The following MPP7 variants were observed in gnomAD, a reference collection of about 807,000 sequenced individuals.
The protein encoded by MPP7 is MAGUK p55 subfamily member 7.
Under a neutral mutation model 76.5 loss-of-function variants are expected in MPP7, and 60 were observed. The observed-to-expected ratio is 0.78, with a 90% confidence interval of 0.64 to 0.97. The LOEUF (loss-of-function observed/expected upper bound fraction) is 0.97. MPP7 is among the 50% of genes least tolerant of loss of function. MPP7 has a pLI of 0.00. For synonymous variants in MPP7, 237 were observed against 244.5 expected, an observed-to-expected ratio of 0.97 and a Z score of 0.29; for missense variants, 641 against 694.0, an observed-to-expected ratio of 0.92 and a Z score of 0.86.
At chr10:28,254,502 C>T (rs1698501801) in intron 1 of MPP7, among the ~76,000 whole-genome samples, 4 of 152,164 alleles carry the variant, frequency 2.6e-5, no homozygotes, top group Admixed American at 2.0e-4. Context: ...GAGTTCACAG[C>T]TTGATCTTAT....
chr10:28,327,327 G>C (rs535032039), intron 2 of MPP7, among the ~76,000 whole-genome samples: 10 of 149,870 alleles, frequency 6.7e-5, no homozygotes, highest in Non-Finnish European at 1.5e-4. Context: ...TACCTAGCTC[G>C]TTTCAAATTC....
intron 2 of MPP7, among the ~76,000 whole-genome samples, chr10:28,234,499 G>A (rs926584789): frequency 6.6e-6 from 1 of 152,068 alleles, no homozygotes. Context: ...GTATGGAAAG[G>A]ATGAAAAAAA....
At chr10:28,129,493 C>T (rs1835124600) in intron 6 of MPP7, among the ~76,000 whole-genome samples, 1 of 151,518 alleles carries the variant, frequency 6.6e-6, no homozygotes, top group Non-Finnish European at 1.5e-5. Flanking sequence ...AATTTATCTC[C>T]TATAGAATTG....
At chr10:28,105,722 G>A (rs1834302237) in intron 11 of MPP7, among the ~76,000 whole-genome samples, 1 of 152,142 alleles carries the variant, frequency 6.6e-6, no homozygotes, top group African/African-American at 2.4e-5. Flanking sequence ...TGGCCAGGCT[G>A]GTCTTGAACT....
chr10:28,277,382 TA>T (rs1460967474), intron 1 of MPP7, among the ~76,000 whole-genome samples: 1 of 151,600 alleles, frequency 6.6e-6, no homozygotes. Context: ...AAAAATTAAT[TA>T]AAAAAATAAA....
chr10:28,070,996 T>C (rs1448548495), intron 12 of MPP7, among the ~76,000 whole-genome samples: 2 of 152,092 alleles, frequency 1.3e-5, no homozygotes, highest in African/African-American at 4.8e-5. Flanking sequence ...TGCCCTCAGG[T>C]AGAGTCCCAT....
At chr10:28,257,518 T>G (rs575833948) in intron 1 of MPP7, among the ~76,000 whole-genome samples, 21 of 143,598 alleles carry the variant, frequency 1.5e-4, no homozygotes, top group Non-Finnish European at 3.0e-4. Context: ...CACCGCATAT[T>G]CTCACTCATA....
At chr10:28,139,304 G>A (rs950297844) in intron 5 of MPP7, among the ~76,000 whole-genome samples, 2 of 152,170 alleles carry the variant, frequency 1.3e-5, no homozygotes, top group Non-Finnish European at 2.9e-5. Context: ...ACTTGAGCTT[G>A]GGGCATGAAT....
At chr10:28,100,643 C>T (rs1853779878) in intron 11 of MPP7, among the ~76,000 whole-genome samples, 1 of 152,128 alleles carries the variant, frequency 6.6e-6, no homozygotes, top group Admixed American at 6.5e-5. Flanking sequence ...TGCAATGTTG[C>T]AGGTTCAAAG....
intron 1 of MPP7, among the ~76,000 whole-genome samples, chr10:28,288,639 G>A (rs1055003586): frequency 6.6e-6 from 1 of 152,102 alleles, no homozygotes; most frequent in Non-Finnish European, 1.5e-5. Flanking sequence ...GTAAAGCAAA[G>A]GTCTTTGAGG....
intron 1 of MPP7, among the ~76,000 whole-genome samples, chr10:28,243,656 A>C (rs990667718): frequency 6.6e-6 from 1 of 152,164 alleles, no homozygotes; most frequent in African/African-American, 2.4e-5. Flanking sequence ...CAGTTAACTG[A>C]ATAGGCTATT....
chr10:28,211,924 T>C (rs760835787), intron 2 of MPP7, among the ~76,000 whole-genome samples: 16 of 151,870 alleles, frequency 1.1e-4, no homozygotes, highest in Non-Finnish European at 2.1e-4. Flanking sequence ...GAGTTTTGTG[T>C]AAAGGGGTGA....
intron 1 of MPP7, among the ~76,000 whole-genome samples, chr10:28,298,276 G>A (rs930669631): frequency 2.0e-5 from 3 of 152,180 alleles, no homozygotes; most frequent in African/African-American, 7.2e-5. Context: ...GGCAGCTATA[G>A]CTTTACAAGA....
chr10:28,136,639 C>T lies in MPP7; in HGVS notation c.316-4948G>A, dbSNP rs201170260. Among the ~76,000 whole-genome samples the T allele has an allele frequency of 2.0e-4, 31 of 151,972 alleles. No individual in the cohort carries two copies. The East Asian group carries it at 3.9e-3, about 19-fold the overall frequency. ...AAATGCTCTAAAAAGTTAAAGGAAA[C>T]ACTGAACATGAGAAATAGAATATAT... On this transcript the variant is annotated intron_variant, in intron 5 of 16. Coordinates refer to ENST00000683449, the MANE Select transcript of MPP7 (RefSeq NM_001318170.2).
intron 2 of MPP7, among the ~76,000 whole-genome samples, chr10:28,313,703 T>C (rs1004438357): frequency 6.6e-6 from 1 of 152,052 alleles, no homozygotes; most frequent in Non-Finnish European, 1.5e-5. Context: ...AATAACTTTT[T>C]TTGAGACAGG....
chr10:28,304,468 T>C (rs1013224113), upstream of MPP7, among the ~76,000 whole-genome samples: 4 of 152,204 alleles, frequency 2.6e-5, no homozygotes, highest in African/African-American at 7.2e-5. Flanking sequence ...GCAAAACACC[T>C]GATAGAAAGA....
chr10:28,295,548 A>G (rs1279626034), intron 1 of MPP7, among the ~76,000 whole-genome samples: 1 of 149,182 alleles, frequency 6.7e-6, no homozygotes, highest in African/African-American at 2.5e-5. Context: ...CAGTCTTCCC[A>G]ATGCCAAAAA....
intron 3 of MPP7, among the ~76,000 whole-genome samples, chr10:28,150,515 A>G (rs1835849370): frequency 6.6e-6 from 1 of 152,226 alleles, no homozygotes; most frequent in Admixed American, 6.5e-5. Flanking sequence ...GTATGGAATC[A>G]CTGTCAAGAG....
chr10:28,313,056 A>G (rs538591327), intron 2 of MPP7, among the ~76,000 whole-genome samples: 31 of 151,904 alleles, frequency 2.0e-4, no homozygotes, highest in African/African-American at 7.5e-4. Context: ...AGAAGATGGG[A>G]CTCTTTCACT....
Sources: gnomAD v4.1 joint callset for allele counts (sites outside exome capture counted in the v4.1 genomes callset) on GRCh38, gnomAD v4.1.1 for gene constraint, MANE v1.5 for transcripts, NCBI Gene and HGNC (gene_info 2026-07-23, HGNC 2026-07-21) for gene names.